Variants in NR6A1 observed in about 807,000 individuals in gnomAD.
NR6A1 encodes the protein retinoic acid receptor-related testis-associated receptor.
A neutral mutation model predicts 59.1 loss-of-function variants in NR6A1; 7 were observed. The observed-to-expected ratio is 0.12, with a 90% CI of 0.07 to 0.22. NR6A1 has a LOEUF of 0.22. Among genes scored for constraint, NR6A1 ranks in the 10% least tolerant of loss-of-function variants. NR6A1 has a pLI of 1.00. For missense variants in NR6A1, 468 were observed against 611.6 expected (o/e 0.77, Z 2.48); for synonymous variants, 243 against 236.1 (o/e 1.03, Z -0.27).
At chr9:124,706,056 G>A (rs948901127) in intron 2 of NR6A1, among the ~76,000 whole-genome samples, 8 of 152,164 alleles carry the variant, frequency 5.3e-5, no homozygotes, top group Non-Finnish European at 8.8e-5. Flanking sequence ...GATTACAGGC[G>A]TAAGCCACCA....
intron 2 of NR6A1, among the ~76,000 whole-genome samples, chr9:124,632,532 G>A (rs1836477252): frequency 6.6e-6 from 1 of 152,088 alleles, no homozygotes; most frequent in Non-Finnish European, 1.5e-5. Context: ...TTGTAAATTT[G>A]TTTAAGTTCT....
intron 2 of NR6A1, among the ~76,000 whole-genome samples, chr9:124,683,333 C>T (rs1239110015): frequency 6.6e-6 from 1 of 152,202 alleles, no homozygotes; most frequent in African/African-American, 2.4e-5. Flanking sequence ...TCTTTCTACA[C>T]CACAATTCCT....
intron 2 of NR6A1, among the ~76,000 whole-genome samples, chr9:124,688,948 C>T (rs1838430937): frequency 6.6e-6 from 1 of 152,136 alleles, no homozygotes. Flanking sequence ...TACTAATATT[C>T]TCATTTTATA....
chr9:124,739,867 T>C (rs1005055840), intron 1 of NR6A1, among the ~76,000 whole-genome samples: 2 of 152,194 alleles, frequency 1.3e-5, no homozygotes, highest in Non-Finnish European at 2.9e-5. Flanking sequence ...AGTTTGACTG[T>C]AGGAAGACAA....
Position 124,540,271 on chromosome 9 carries a change from T to C in NR6A1, c.442-84A>G, listed in dbSNP as rs182706218. The C allele has an allele frequency of 1.1e-4, 152 of 1,421,154 alleles. No individual in the cohort carries two copies. In the African/African-American group the frequency reaches 1.6e-3, roughly 15 times the overall value. The allele number at this position is 1,421,154 out of a possible 1,614,324, so 88.0% of individuals were successfully genotyped here. A position where few individuals can be genotyped will look rare whatever the true frequency, so the allele number is the denominator to read the frequency against. On this transcript the variant is annotated intron_variant, in intron 4 of 9. Transcript: ENST00000487099. Reference sequence around the variant, plus strand: ...GGACTGAGAGCTTATTTAAATCTCATAGGATTTCCCAGAAACCTAGGTTCC... The same window carrying C: ...GGACTGAGAGCTTATTTAAATCTCACAGGATTTCCCAGAAACCTAGGTTCC...
At chr9:124,606,053 C>T (rs576872423) in intron 2 of NR6A1, among the ~76,000 whole-genome samples, 5 of 152,284 alleles carry the variant, frequency 3.3e-5, no homozygotes, top group Admixed American at 2.6e-4. Context: ...AAACCTTTCA[C>T]GGCCTTCAGA....
chr9:124,655,780 G>T (rs1837239709), intron 2 of NR6A1, among the ~76,000 whole-genome samples: 2 of 152,198 alleles, frequency 1.3e-5, no homozygotes. Context: ...CTTATAAAGT[G>T]AAAAGAGCTT....
At chr9:124,585,549 A>AG (rs1834897534) in intron 2 of NR6A1, among the ~76,000 whole-genome samples, 1 of 120,820 alleles carries the variant, frequency 8.3e-6, no homozygotes, top group Non-Finnish European at 1.7e-5. Context: ...ATCTCAAAAA[A>AG]AAAAAAAAAG....
chr9:124,554,280 A>G (rs1414292941), intron 3 of NR6A1, 48 bp downstream of exon 3: 3 of 1,612,948 alleles, frequency 1.9e-6, no homozygotes, highest in Non-Finnish European at 2.5e-6. Context: ...CACTAAAGGT[A>G]AAGTTTTGAA....
chr9:124,733,502 C>T (rs1246084967), intron 1 of NR6A1, among the ~76,000 whole-genome samples, 153 bp from the exon 2 acceptor site: 2 of 152,174 alleles, frequency 1.3e-5, no homozygotes, highest in African/African-American at 4.8e-5. Flanking sequence ...CTACATATCC[C>T]TCTGAGCCTC....
intron 2 of NR6A1, among the ~76,000 whole-genome samples, chr9:124,728,870 A>T (rs1241985184): frequency 6.6e-6 from 1 of 152,128 alleles, no homozygotes; most frequent in Non-Finnish European, 1.5e-5. Context: ...TTTCTGTAGC[A>T]TAAGATTTGA....
intron 7 of NR6A1, among the ~76,000 whole-genome samples, chr9:124,531,321 C>T (rs1833091096): frequency 6.6e-6 from 1 of 152,164 alleles, no homozygotes; most frequent in Non-Finnish European, 1.5e-5. Context: ...TCAAATTCAC[C>T]CGGTTCACTG....
At chr9:124,743,348 C>G (rs960015988) in intron 1 of NR6A1, among the ~76,000 whole-genome samples, 1 of 152,242 alleles carries the variant, frequency 6.6e-6, no homozygotes, top group East Asian at 1.9e-4. Flanking sequence ...GTCCATATAG[C>G]AAAAGCTATC....
intron 1 of NR6A1, among the ~76,000 whole-genome samples, chr9:124,747,112 G>A (rs1277034663): frequency 1.3e-5 from 2 of 151,286 alleles, no homozygotes; most frequent in Non-Finnish European, 2.9e-5. Context: ...TCTTTTGGAT[G>A]TCCTTCCACT....
At chr9:124,713,814 A>C (rs921984966) in intron 2 of NR6A1, among the ~76,000 whole-genome samples, 1 of 152,240 alleles carries the variant, frequency 6.6e-6, no homozygotes, top group Admixed American at 6.5e-5. Context: ...GGCGGCAGCT[A>C]TGGAAAACAG....
At chr9:124,638,517 T>A (rs184097904) in intron 2 of NR6A1, among the ~76,000 whole-genome samples, 9 of 152,294 alleles carry the variant, frequency 5.9e-5, no homozygotes, top group South Asian at 2.1e-4. Flanking sequence ...CAGAACAAGA[T>A]TGTGGCTTGT....
Position 124,698,983 on chromosome 9 carries a change from A to C in NR6A1, c.142+34325T>G, listed in dbSNP as rs1351447053. On this transcript the variant is annotated intron_variant, in intron 2 of 9. Transcript: ENST00000487099. ...TGGGGCAAAAAACGGTAGGTATAGA[A>C]GAAATCGCTTGAAATACAAGAGTCA... is the stretch of plus-strand genomic sequence containing the variant. Among the ~76,000 whole-genome samples, 3 of 152,340 alleles carry C rather than the reference A, an allele frequency of 2.0e-5. No individual in the cohort carries two copies. The East Asian group carries it at 5.8e-4, about 29-fold the overall frequency.
intron 2 of NR6A1, among the ~76,000 whole-genome samples, chr9:124,680,827 C>G (rs1038107883): frequency 1.3e-5 from 2 of 152,182 alleles, no homozygotes; most frequent in Non-Finnish European, 2.9e-5. Context: ...TATACTAACT[C>G]TAAGACATTA....
chr9:124,735,295 G>A (rs1015410610), intron 1 of NR6A1, among the ~76,000 whole-genome samples: 10 of 152,132 alleles, frequency 6.6e-5, no homozygotes, highest in East Asian at 1.9e-4. Flanking sequence ...AATGAAATAT[G>A]GAAAACAAAA....
Sources: gnomAD v4.1 joint callset for allele counts (sites outside exome capture counted in the v4.1 genomes callset) on GRCh38, gnomAD v4.1.1 for gene constraint, MANE v1.5 for transcripts, NCBI Gene and HGNC (gene_info 2026-07-23, HGNC 2026-07-21) for gene names.